Variants in ARHGEF28 observed in about 807,000 individuals in gnomAD.
ARHGEF28 encodes 190 kDa guanine nucleotide exchange factor.
In ARHGEF28, 152 loss-of-function variants were observed where a neutral mutation model predicts 206.6. The ratio of observed to expected loss-of-function variants is 0.74; its 90% confidence interval spans 0.64 to 0.84. ARHGEF28 has a LOEUF of 0.84. Ranked by LOEUF, ARHGEF28 falls within the 40% of genes least tolerant of loss-of-function variation. The probability of loss-of-function intolerance (pLI) is 0.00; values close to 1 mark genes in which losing one functional copy is unlikely to be tolerated. For synonymous variants in ARHGEF28, 763 were observed against 776.4 expected (o/e 0.98, Z 0.29); for missense variants, 2,028 against 2,073.2 (o/e 0.98, Z 0.42).
intron 21 of ARHGEF28, among the ~76,000 whole-genome samples, chr5:73,872,283 C>T (rs2973551): frequency 0.63 from 95,131 of 151,926 alleles, 31,110 homozygotes; most frequent in African/African-American, 0.81. Context: ...TTTGTATATC[C>T]TTTTGGAGAA....
chr5:73,647,713 A>G (rs927005031), intron 1 of ARHGEF28, among the ~76,000 whole-genome samples: 1 of 152,216 alleles, frequency 6.6e-6, no homozygotes, highest in South Asian at 2.1e-4. Flanking sequence ...TTAGCCAGGC[A>G]CCCTGCTAAA....
At chr5:73,706,582 G>A (rs1748948488) in intron 2 of ARHGEF28, among the ~76,000 whole-genome samples, 2 of 152,080 alleles carry the variant, frequency 1.3e-5, no homozygotes, top group Non-Finnish European at 2.9e-5. Context: ...TCTGGCACAG[G>A]GTAGGCACTC....
At chr5:73,876,840 T>C (rs11956736) in intron 22 of ARHGEF28, among the ~76,000 whole-genome samples, 41,506 of 146,362 alleles carry the variant, frequency 0.28, 6,903 homozygotes, top group Admixed American at 0.41. Context: ...TTATTGAGGA[T>C]TTTTGCATCA....
At chr5:73,729,126 G>A (rs59591841) in intron 2 of ARHGEF28, among the ~76,000 whole-genome samples, 3,257 of 152,242 alleles carry the variant, frequency 0.021, 113 homozygotes, top group African/African-American at 0.074. Flanking sequence ...GGACTTGGCT[G>A]TGAGAGTTTA....
At chr5:73,677,954 A>G (rs1342754609) in intron 1 of ARHGEF28, among the ~76,000 whole-genome samples, 1 of 152,242 alleles carries the variant, frequency 6.6e-6, no homozygotes, top group Non-Finnish European at 1.5e-5. Context: ...TTATATAGTG[A>G]AAAGTGACAG....
chr5:73,927,195 T>TAA (rs564872560), intron 35 of ARHGEF28, among the ~76,000 whole-genome samples: 1 of 143,816 alleles, frequency 7.0e-6, no homozygotes, highest in African/African-American at 2.5e-5. Flanking sequence ...AGCCCATCAC[T>TAA]AAAAAAAAAA....
chr5:73,733,776 A>G (rs942299043), intron 2 of ARHGEF28, among the ~76,000 whole-genome samples: 58 of 152,150 alleles, frequency 3.8e-4, no homozygotes, highest in African/African-American at 1.4e-3. Flanking sequence ...AAAAGAAGAA[A>G]TATCTCAGAG....
intron 9 of ARHGEF28, 48 bp downstream of exon 9, chr5:73,795,439 A>C: frequency 1.3e-6 from 2 of 1,498,310 alleles, no homozygotes; most frequent in Non-Finnish European, 1.8e-6. Context: ...TCCCAGATCC[A>C]GGTTTAGAGT....
chr5:73,824,957 A>T (rs1273492545), intron 9 of ARHGEF28, among the ~76,000 whole-genome samples: 1 of 152,212 alleles, frequency 6.6e-6, no homozygotes, highest in African/African-American at 2.4e-5. Flanking sequence ...AGAGCCTATC[A>T]CAAGAAAACC....
intron 21 of ARHGEF28, among the ~76,000 whole-genome samples, chr5:73,870,546 C>T (rs1035482418): frequency 1.3e-5 from 2 of 152,166 alleles, no homozygotes; most frequent in Non-Finnish European, 2.9e-5. Flanking sequence ...TTAGGTTTGG[C>T]CTATACTCTT....
At chr5:73,771,235 G>T (rs562814397) in intron 4 of ARHGEF28, among the ~76,000 whole-genome samples, 1 of 152,260 alleles carries the variant, frequency 6.6e-6, no homozygotes, top group African/African-American at 2.4e-5. Flanking sequence ...TTCAGATTAG[G>T]AGATATGTCT....
intron 23 of ARHGEF28, 73 bp downstream of exon 23, chr5:73,882,667 A>T: frequency 7.7e-7 from 1 of 1,297,298 alleles, no homozygotes; most frequent in South Asian, 1.6e-5. Context: ...TTTCTTAATG[A>T]TTTAAACAAA....
intron 14 of ARHGEF28, among the ~76,000 whole-genome samples, chr5:73,855,707 A>G (rs188757249): frequency 1.3e-5 from 2 of 151,966 alleles, no homozygotes; most frequent in Non-Finnish European, 2.9e-5. Context: ...ACTCCAGCCT[A>G]GGCAACGAGA....
chr5:73,743,158 T>C (rs1751537177), intron 2 of ARHGEF28, among the ~76,000 whole-genome samples: 1 of 152,252 alleles, frequency 6.6e-6, no homozygotes, highest in Non-Finnish European at 1.5e-5. Context: ...TCAGTATTTC[T>C]TTCGGTGCTG....
At chr5:73,808,596 A>AC (rs1048773301) in intron 9 of ARHGEF28, among the ~76,000 whole-genome samples, 6 of 152,094 alleles carry the variant, frequency 3.9e-5, no homozygotes. Context: ...CCTGATTTTC[A>AC]CCTTATGCTA....
At chr5:73,926,721 T>G (rs1763832746) in intron 35 of ARHGEF28, among the ~76,000 whole-genome samples, 1 of 152,234 alleles carries the variant, frequency 6.6e-6, no homozygotes, top group Non-Finnish European at 1.5e-5. Context: ...CCACCACATC[T>G]GGAAGCTTGC....
In ARHGEF28 at chr5:73,935,443, A is replaced by G. The variant is rs572750382; in HGVS notation, c.4949-5401A>G. On this transcript the variant is annotated intron_variant, in intron 35 of 35. Transcript: ENST00000513042. ...TCCTATTTGTGGCTCACTATGGAAAAAAATTGAGTTGCACAAAATTATTAG... is the reference window on the plus strand; with the variant it reads ...TCCTATTTGTGGCTCACTATGGAAAGAAATTGAGTTGCACAAAATTATTAG... Among the ~76,000 whole-genome samples the G allele has an allele frequency of 3.3e-5, 5 of 152,334 alleles. No individual in the cohort carries two copies. In the South Asian group the frequency reaches 1.0e-3, roughly 32 times the overall value.
intron 9 of ARHGEF28, among the ~76,000 whole-genome samples, chr5:73,814,609 C>T (rs1442313451): frequency 1.3e-5 from 2 of 152,004 alleles, no homozygotes; most frequent in Non-Finnish European, 2.9e-5. Context: ...GGAACATTTT[C>T]ATAAGCTTAC....
At chr5:73,833,410 A>G in intron 10 of ARHGEF28, among the ~76,000 whole-genome samples, 1 of 151,820 alleles carries the variant, frequency 6.6e-6, no homozygotes, top group Middle Eastern at 3.2e-3. Context: ...ACATCTCTGC[A>G]TTTTCCTTTT....
Sources: allele counts gnomAD v4.1 joint callset (sites outside exome capture counted in the v4.1 genomes callset), GRCh38; gene constraint gnomAD v4.1.1; transcripts MANE v1.5; gene names NCBI Gene and HGNC (gene_info 2026-07-23, HGNC 2026-07-21).